LOXL2: variants seen among roughly 807,000 people sequenced by gnomAD.
LOXL2 encodes the protein lysyl oxidase like 2, also known as lysyl oxidase homolog 2.
A neutral mutation model predicts 93.0 loss-of-function variants in LOXL2; 70 were observed. The observed-to-expected ratio is 0.75, with a 90% CI of 0.62 to 0.92. The LOEUF (loss-of-function observed/expected upper bound fraction) is 0.92, where lower values mean the gene tolerates loss of function less well. Among genes scored for constraint, LOXL2 ranks in the 40% least tolerant of loss-of-function variants. The pLI is 0.00. For missense variants in LOXL2, 973 were observed against 1,054.9 expected (o/e 0.92, Z 1.08); for synonymous variants, 438 against 413.2 (o/e 1.06, Z -0.73).
intron 6 of LOXL2, among the ~76,000 whole-genome samples, chr8:23,324,665 C>A (rs147770394): frequency 5.3e-4 from 80 of 152,302 alleles, no homozygotes; most frequent in Middle Eastern, 3.4e-3. Flanking sequence ...TTCTTCTCCA[C>A]ATACAAACCC....
intron 5 of LOXL2, among the ~76,000 whole-genome samples, chr8:23,329,743 G>T (rs1803642309): frequency 6.6e-6 from 1 of 152,224 alleles, no homozygotes; most frequent in Admixed American, 6.5e-5. Flanking sequence ...GTTGTCCTTA[G>T]CCCAGAACTG....
At chr8:23,328,304 C>CA (rs1803617472) in intron 6 of LOXL2, 78 bp downstream of exon 6, 8 of 1,499,812 alleles carry the variant, frequency 5.3e-6, no homozygotes, top group South Asian at 1.2e-5. Flanking sequence ...CCCGAGAGCT[C>CA]ACGGCCAGCA....
At chr8:23,387,897 C>T (rs1234735916) in intron 1 of LOXL2, among the ~76,000 whole-genome samples, 2 of 152,002 alleles carry the variant, frequency 1.3e-5, no homozygotes, top group Non-Finnish European at 2.9e-5. Flanking sequence ...TTCAGTGAGC[C>T]GAGATCACGC....
chr8:23,371,857 G>A lies in LOXL2; in HGVS notation c.-83-3423C>T, dbSNP rs538916358. ...TCAAGTGGTTTGAGGTTCTTGTGTT[G>A]TCTGGGAAGTGGTAAAAGTACTATT... is the stretch of plus-strand genomic sequence containing the variant. On this transcript the variant is annotated intron_variant, in intron 1 of 13. Coordinates refer to ENST00000389131, the MANE Select transcript of LOXL2 (RefSeq NM_002318.3). Among the ~76,000 whole-genome samples the A allele has an allele frequency of 1.4e-3, 204 of 150,718 alleles. 1 individual carries two copies. Among genetic ancestry groups the A allele is most frequent in the South Asian group, 0.012 (58 of 4,762 alleles).
intron 1 of LOXL2, among the ~76,000 whole-genome samples, chr8:23,378,970 C>T (rs996991215): frequency 2.5e-4 from 38 of 152,332 alleles, no homozygotes; most frequent in African/African-American, 8.7e-4. Flanking sequence ...TGTTCCATTG[C>T]TGGCGAGGAG....
intron 1 of LOXL2, chr8:23,385,897 T>A (rs776380964): frequency 4.0e-6 from 3 of 758,740 alleles, no homozygotes; most frequent in Non-Finnish European, 7.3e-6. Context: ...GTCTTTGAAA[T>A]CCAGCACGTA....
intron 10 of LOXL2, among the ~76,000 whole-genome samples, chr8:23,308,280 G>T (rs201237080): frequency 1.3e-5 from 2 of 152,230 alleles, no homozygotes; most frequent in African/African-American, 4.8e-5. Context: ...ACGGTCACCT[G>T]AGAATCCTGC....
intron 3 of LOXL2, among the ~76,000 whole-genome samples, chr8:23,358,969 G>A (rs1424791137): frequency 1.3e-5 from 2 of 151,866 alleles, no homozygotes; most frequent in Admixed American, 1.3e-4. Context: ...AGCCTCCTGA[G>A]TAGCTGGGAC....
chr8:23,311,244 G>A (rs1563186666), intron 9 of LOXL2, among the ~76,000 whole-genome samples: 1 of 152,168 alleles, frequency 6.6e-6, no homozygotes, highest in East Asian at 1.9e-4. Context: ...GATGGAGCTG[G>A]CATCCTCTAG....
intron 12 of LOXL2, among the ~76,000 whole-genome samples, chr8:23,300,222 T>G (rs73673360): frequency 0.056 from 8,453 of 152,170 alleles, 338 homozygotes; most frequent in African/African-American, 0.11. Context: ...GTGTTACGTG[T>G]GGGGTGGAGG....
chr8:23,316,117 G>A (rs751605865), intron 9 of LOXL2, among the ~76,000 whole-genome samples: 6 of 152,198 alleles, frequency 3.9e-5, no homozygotes, highest in African/African-American at 7.2e-5. Flanking sequence ...GGTGGGAGAC[G>A]CAGCTGCTGT....
chr8:23,356,140 T>C (rs1284666814), intron 3 of LOXL2, among the ~76,000 whole-genome samples: 3 of 152,194 alleles, frequency 2.0e-5, no homozygotes, highest in African/African-American at 7.2e-5. Flanking sequence ...TCAGTATACC[T>C]TTTAATTTCC....
At chr8:23,306,651 C>T (rs1803233424) in intron 10 of LOXL2, among the ~76,000 whole-genome samples, 1 of 152,260 alleles carries the variant, frequency 6.6e-6, no homozygotes, top group African/African-American at 2.4e-5. Context: ...CTCCTCTTTG[C>T]AGCAATGCCA....
At chr8:23,380,562 C>A (rs1428460760) in intron 1 of LOXL2, among the ~76,000 whole-genome samples, 1 of 152,170 alleles carries the variant, frequency 6.6e-6, no homozygotes, top group African/African-American at 2.4e-5. Flanking sequence ...GGGCCCTCTC[C>A]TACTCCCTCC....
chr8:23,322,012 A>G, intron 7 of LOXL2, 118 bp downstream of exon 7: 1 of 1,137,794 alleles, frequency 8.8e-7, no homozygotes, highest in Non-Finnish European at 1.3e-6. Flanking sequence ...CCAAGTGGCA[A>G]TGTCTGCAGC....
chr8:23,302,058 G>T lies in LOXL2; in HGVS notation c.2102C>A (p.Thr701Asn). The T allele has an allele frequency of 6.2e-7, 1 of 1,614,174 alleles. No homozygotes were observed. Residue 701 changes from threonine (T) to asparagine (N), a missense_variant, in exon 12 of 14, where the codon ACT (threonine) becomes AAT (asparagine). Physicochemically the swap from Thr to Asn is moderately conservative, Grantham distance 65 (BLOSUM62 0). Coordinates refer to ENST00000389131, the MANE Select transcript of LOXL2 (RefSeq NM_002318.3). The part of the protein sequence containing the change: ...HDIDCQWVDI[T>N]DVPPGDYLFQ... ...CAGGTAGTCTCCAGGGGGCACGTCAGTGATGTCAACCCACTGGCAGTCGAT... is the reference window on the plus strand; with the variant it reads ...CAGGTAGTCTCCAGGGGGCACGTCATTGATGTCAACCCACTGGCAGTCGAT...
intron 1 of LOXL2, 127 bp downstream of exon 1, chr8:23,403,827 C>T (rs1243428310): frequency 1.3e-5 from 2 of 152,526 alleles, no homozygotes; most frequent in African/African-American, 4.8e-5. Flanking sequence ...CGCAAGAAGT[C>T]TTTGGGAACC....
At chr8:23,308,713 C>A (rs979497743) in intron 10 of LOXL2, among the ~76,000 whole-genome samples, 1 of 152,146 alleles carries the variant, frequency 6.6e-6, no homozygotes, top group African/African-American at 2.4e-5. Context: ...TGGCTCTAGC[C>A]AGGTCTGGCT....
Position 23,360,178 on chromosome 8 carries a change from C to T in LOXL2, c.443G>A (p.Cys148Tyr). The T allele has an allele frequency of 1.9e-6, 3 of 1,614,150 alleles. No homozygotes were observed. The highest frequency in any genetic ancestry group is 2.5e-6 in the Non-Finnish European group (3 of 1,179,976). ...CTSNGWGVTDCKHTEDVGVVC... is the reference protein window; with the variant it reads ...CTSNGWGVTDYKHTEDVGVVC... ...CACACCGACATCCTCCGTGTGCTTG[C>T]AGTCAGTGACGCCCCAGCCATTGGA... is the stretch of plus-strand genomic sequence containing the variant. The change falls in exon 3 of 14, where the codon TGC (cysteine) becomes TAC (tyrosine). Residue 148 changes from cysteine to tyrosine, a missense_variant. By Grantham distance (194) the Cys-to-Tyr change is radical (BLOSUM62 -2). Transcript: ENST00000389131.
Sources: allele counts gnomAD v4.1 joint callset (sites outside exome capture counted in the v4.1 genomes callset), GRCh38; gene constraint gnomAD v4.1.1; transcripts MANE v1.5; gene names NCBI Gene and HGNC (gene_info 2026-07-23, HGNC 2026-07-21).